TMTC3: variants seen among roughly 807,000 people sequenced by gnomAD.
The protein encoded by TMTC3 is transmembrane O-mannosyltransferase targeting cadherins 3.
In TMTC3, 52 loss-of-function variants were observed where a neutral mutation model predicts 92.2. The observed-to-expected ratio is 0.56, with a 90% confidence interval of 0.45 to 0.71. The LOEUF (loss-of-function observed/expected upper bound fraction) is 0.71, where lower values mean the gene tolerates loss of function less well. Ranked by LOEUF, TMTC3 falls within the 30% of genes least tolerant of loss-of-function variation. The pLI is 0.00. For synonymous variants in TMTC3, 339 were observed against 363.3 expected (o/e 0.93, Z 0.76); for missense variants, 896 against 1,057.1 (o/e 0.85, Z 2.11).
chr12:88,150,233 G>C (rs1046685448), intron 2 of TMTC3, among the ~76,000 whole-genome samples: 1 of 152,198 alleles, frequency 6.6e-6, no homozygotes, highest in Non-Finnish European at 1.5e-5. Flanking sequence ...AGCAAAAGCA[G>C]GAGCAAGAGG....
intron 11 of TMTC3, among the ~76,000 whole-genome samples, chr12:88,189,766 G>C (rs1418557293): frequency 6.6e-6 from 1 of 151,954 alleles, no homozygotes; most frequent in Non-Finnish European, 1.5e-5. Flanking sequence ...TCACTTGTCT[G>C]GTGAAGTTTG....
intron 8 of TMTC3, chr12:88,173,115 T>G: frequency 8.2e-7 from 1 of 1,223,530 alleles, no homozygotes; most frequent in South Asian, 1.4e-5. Flanking sequence ...TTAATATATA[T>G]AAAATGCATA....
intron 4 of TMTC3, among the ~76,000 whole-genome samples, chr12:88,157,932 A>G (rs1019002092): frequency 6.6e-6 from 1 of 152,196 alleles, no homozygotes; most frequent in African/African-American, 2.4e-5. Flanking sequence ...ATGGAATTCA[A>G]GTTTGTAAAA....
chr12:88,155,517 T>G (rs1024448946), intron 4 of TMTC3, among the ~76,000 whole-genome samples: 1 of 152,172 alleles, frequency 6.6e-6, no homozygotes, highest in African/African-American at 2.4e-5. Flanking sequence ...CCTAGCTGTC[T>G]TCACTATAGC....
intron 7 of TMTC3, among the ~76,000 whole-genome samples, chr12:88,170,841 G>A (rs2041197182): frequency 1.3e-5 from 2 of 152,122 alleles, no homozygotes; most frequent in South Asian, 2.1e-4. Context: ...AGCTATTTAT[G>A]TGCTAGTTTT....
intron 11 of TMTC3, 44 bp downstream of exon 11, chr12:88,188,990 T>C: frequency 9.7e-7 from 1 of 1,035,178 alleles, no homozygotes; most frequent in Non-Finnish European, 1.5e-6. Context: ...CTATTAGATG[T>C]CCATATTGAA....
chr12:88,167,717 T>C (rs1326744092), intron 7 of TMTC3, among the ~76,000 whole-genome samples: 1 of 152,198 alleles, frequency 6.6e-6, no homozygotes, highest in Non-Finnish European at 1.5e-5. Flanking sequence ...AAGATTGTGT[T>C]GTCTATTATC....
rs1397651673 is a variant in TMTC3 at position 88,160,188 on chromosome 12, G to A, written c.583G>A (p.Val195Ile). ...ATGTAAAGAACAAGGAATAACAGTT[G>A]TAGGAATTTGCTGTGTGTATGAAGT... ...TLCKEQGITV[V>I]GICCVYEVFI... is the part of the protein sequence containing the mutation. The change falls in exon 5 of 14, where the codon GTA (valine) becomes ATA (isoleucine). Residue 195 changes from valine (V) to isoleucine (I), a missense_variant. Val to Ile is a conservative substitution (Grantham distance 29). Coordinates refer to ENST00000266712, the MANE Select transcript of TMTC3 (RefSeq NM_181783.4). 6.9e-6 allele frequency: 11 copies of A among 1,589,148 alleles called. No homozygotes were observed. Among genetic ancestry groups the A allele is most frequent in the African/African-American group, 1.4e-5 (1 of 74,040 alleles).
rs538307899 is a variant in TMTC3, at chr12:88,154,108, C to G, written c.409-180C>G. Among the ~76,000 whole-genome samples, 75 of 151,960 alleles carry G rather than the reference C, an allele frequency of 4.9e-4. 1 individual carries two copies. Among genetic ancestry groups the G allele is most frequent in the Non-Finnish European group, 9.9e-4 (67 of 67,906 alleles). ...AAAAAGTATAAACTGTTAAGAGTCA[C>G]TAATAAATGTCTATTTATGTAAGAT... is the stretch of plus-strand genomic sequence containing the variant. On this transcript the variant is annotated intron_variant, in intron 3 of 13. Transcript: ENST00000266712.
chr12:88,168,484 TGGTAGACCTTCAGA>T (rs1035052156), intron 7 of TMTC3, among the ~76,000 whole-genome samples: 1 of 152,186 alleles, frequency 6.6e-6, no homozygotes, highest in African/African-American at 2.4e-5. Context: ...GATCTGGCAT[TGGTAGACCTTCAGA>T]GGTAGGAGGG....
At chr12:88,162,919 C>CTT (rs11394668) in intron 6 of TMTC3, among the ~76,000 whole-genome samples, 228 of 145,534 alleles carry the variant, frequency 1.6e-3, no homozygotes, top group Admixed American at 4.7e-3. Context: ...TTTCTTTCTT[C>CTT]TTTTTTTTTT....
chr12:88,176,342 A>G (rs1390479048), intron 10 of TMTC3, 23 bp downstream of exon 10: 1 of 1,514,914 alleles, frequency 6.6e-7, no homozygotes, highest in Non-Finnish European at 9.0e-7. Flanking sequence ...AACTAATAAA[A>G]TCATGAATTT....
chr12:88,161,221 G>A (rs1228061806), intron 6 of TMTC3, among the ~76,000 whole-genome samples: 1 of 152,072 alleles, frequency 6.6e-6, no homozygotes, highest in East Asian at 1.9e-4. Flanking sequence ...ACTTCTGTCG[G>A]TTTTTGTTTT....
chr12:88,173,342 A>G lies in TMTC3; in HGVS notation c.1199+597A>G, dbSNP rs979949105. 3.3e-5 allele frequency among the ~76,000 whole-genome samples: 5 copies of G among 152,002 alleles called. No individual in the cohort carries two copies. In the East Asian group the frequency reaches 9.6e-4, roughly 29 times the overall value. On this transcript the variant is annotated intron_variant, in intron 8 of 13. Coordinates refer to ENST00000266712, the MANE Select transcript of TMTC3 (RefSeq NM_181783.4). ...GTTAAAGGTCAAGTAATACTAATGT[A>G]ATAATATTGAGTTTGCAACTTGAAA...
At chr12:88,171,391 C>T (rs1402244344) in intron 7 of TMTC3, among the ~76,000 whole-genome samples, 5 of 152,100 alleles carry the variant, frequency 3.3e-5, no homozygotes, top group Admixed American at 3.3e-4. Context: ...CTGGTGACCA[C>T]CATGTACTGT....
intron 11 of TMTC3, among the ~76,000 whole-genome samples, chr12:88,190,063 A>G (rs2041425125): frequency 1.3e-5 from 2 of 152,130 alleles, no homozygotes; most frequent in Admixed American, 6.6e-5. Context: ...TATGCCACTA[A>G]TTTTACCACT....
intron 12 of TMTC3, 23 bp from the exon 13 acceptor site, chr12:88,192,581 G>T (rs2041456597): frequency 6.4e-7 from 1 of 1,559,182 alleles, no homozygotes; most frequent in Non-Finnish European, 8.8e-7. Flanking sequence ...TGTAAGTAAA[G>T]CTTGTGTTTG....
chr12:88,161,117 A>G (rs1483880078), intron 6 of TMTC3, among the ~76,000 whole-genome samples: 1 of 152,120 alleles, frequency 6.6e-6, no homozygotes, highest in African/African-American at 2.4e-5. Flanking sequence ...TTAGTCTCCT[A>G]TATCCTTAGT....
intron 11 of TMTC3, among the ~76,000 whole-genome samples, chr12:88,190,160 G>A (rs2041426000): frequency 6.6e-6 from 1 of 152,096 alleles, no homozygotes; most frequent in Non-Finnish European, 1.5e-5. Flanking sequence ...CCTCAAAAAT[G>A]TAAATAAAAT....
Sources: gnomAD v4.1 joint callset for allele counts (sites outside exome capture counted in the v4.1 genomes callset) on GRCh38, gnomAD v4.1.1 for gene constraint, MANE v1.5 for transcripts, NCBI Gene and HGNC (gene_info 2026-07-23, HGNC 2026-07-21) for gene names.